The following PFKL variants were observed in gnomAD, a reference collection of about 807,000 sequenced individuals.
PFKL encodes phosphofructokinase, liver type, also known as ATP-dependent 6-phosphofructokinase, liver type.
In PFKL, 74 loss-of-function variants were observed where a neutral mutation model predicts 92.1. That is an observed-to-expected ratio of 0.80 (90% CI 0.67 to 0.97). The LOEUF (loss-of-function observed/expected upper bound fraction) is 0.97, where lower values mean the gene tolerates loss of function less well. Among genes scored for constraint, PFKL ranks in the 50% least tolerant of loss-of-function variants. PFKL has a pLI of 0.00. For synonymous variants in PFKL, 494 were observed against 456.4 expected (o/e 1.08, Z -1.05); for missense variants, 1,028 against 1,116.6 (o/e 0.92, Z 1.13).
chr21:44,326,748 C>T lies in PFKL; in HGVS notation c.2229C>T (p.Ser743=), dbSNP rs561147921. Residue 743 remains serine (S), a synonymous_variant, in exon 22 of 22, where the codon AGC becomes AGT. Coordinates refer to ENST00000349048, the MANE Select transcript of PFKL (RefSeq NM_002626.6). ...HRMPREQWWL[S]LRLMLKMLAQ... ...TGCCACGGGAGCAGTGGTGGCTGAG[C>T]CTGCGGCTCATGCTGAAGATGCTGG... 6.2e-7 allele frequency: 1 copy of T among 1,611,510 alleles called. No individual in the cohort carries two copies. Among genetic ancestry groups the T allele is most frequent in the Admixed American group, 1.7e-5 (1 of 59,946 alleles).
In PFKL at chr21:44,300,076, G is replaced by T. The variant is rs1239706374; in HGVS notation, c.-30G>T. 9.6e-7 allele frequency: 1 copy of T among 1,045,078 alleles called. No homozygotes were observed. Among genetic ancestry groups the T allele is most frequent in the Non-Finnish European group, 1.2e-6 (1 of 863,498 alleles). The allele number at this position is 1,045,078 out of a possible 1,614,324, so 64.7% of individuals were successfully genotyped here. ...GCGACGCGGCGCAGGCGGCGGGAGTGCGAGCTGGGCCCGTGTTTCGGCCGC... is the reference window on the plus strand; with the variant it reads ...GCGACGCGGCGCAGGCGGCGGGAGTTCGAGCTGGGCCCGTGTTTCGGCCGC... On this transcript the variant is annotated 5_prime_UTR_variant, in exon 1 of 22. Coordinates refer to ENST00000349048, the MANE Select transcript of PFKL (RefSeq NM_002626.6).
In PFKL at chr21:44,327,074, G is replaced by A. The variant is rs1420486599; in HGVS notation, c.*212G>A. The A allele has an allele frequency of 1.7e-6, 1 of 592,586 alleles. No individual in the cohort carries two copies. Among genetic ancestry groups the A allele is most frequent in the South Asian group, 2.0e-5 (1 of 50,452 alleles). 36.7% of individuals were successfully genotyped at this position (592,586 alleles called of 1,614,324 possible). Reference sequence around the variant, plus strand: ...AGCCTGCCAGGCCCTCCAGCAGGAGGACAGAGTGCCCTGGGGCATCCACCT... The same window carrying A: ...AGCCTGCCAGGCCCTCCAGCAGGAGAACAGAGTGCCCTGGGGCATCCACCT... On this transcript the variant is annotated 3_prime_UTR_variant, in exon 22 of 22. Coordinates refer to ENST00000349048, the MANE Select transcript of PFKL (RefSeq NM_002626.6).
At chr21:44,326,369 G>A (rs911436484) in intron 21 of PFKL, 105 bp downstream of exon 21, 56 of 856,672 alleles carry the variant, frequency 6.5e-5, no homozygotes, top group Non-Finnish European at 8.7e-5. Context: ...CCCTGACCCC[G>A]CAAGGCCTCC....
chr21:44,318,116 C>T (rs2047257588), intron 9 of PFKL, among the ~76,000 whole-genome samples: 1 of 152,242 alleles, frequency 6.6e-6, no homozygotes, highest in Non-Finnish European at 1.5e-5. Flanking sequence ...TGAGGGCCTC[C>T]ACGGGAGGAT....
intron 7 of PFKL, chr21:44,314,380 G>T: frequency 3.8e-6 from 1 of 261,316 alleles, no homozygotes; most frequent in Non-Finnish European, 7.4e-6. Context: ...CCCCAGCAAG[G>T]TCCAGACGGC....
In PFKL at chr21:44,306,709, G is replaced by A. The variant is rs765853776; in HGVS notation, c.114G>A (p.Thr38=). The A allele has an allele frequency of 8.1e-6, 13 of 1,613,922 alleles. No individual in the cohort carries two copies. Among genetic ancestry groups the A allele is most frequent in the South Asian group, 3.3e-5 (3 of 91,066 alleles). The part of the protein sequence containing the change: ...QGMNAAVRAV[T]RMGIYVGAKV... Reference sequence around the variant, plus strand: ...TGAACGCTGCTGTCCGGGCTGTGACGCGCATGGGCATTTATGTGGGTGCCA... The same window carrying A: ...TGAACGCTGCTGTCCGGGCTGTGACACGCATGGGCATTTATGTGGGTGCCA... The change falls in exon 2 of 22, where the codon ACG becomes ACA. Residue 38 remains threonine, a synonymous_variant. Coordinates refer to ENST00000349048, the MANE Select transcript of PFKL (RefSeq NM_002626.6).
Position 44,327,075 on chromosome 21 carries a change from A to G in PFKL, c.*213A>G. On this transcript the variant is annotated 3_prime_UTR_variant, in exon 22 of 22. Transcript: ENST00000349048. Reference sequence around the variant, plus strand: ...GCCTGCCAGGCCCTCCAGCAGGAGGACAGAGTGCCCTGGGGCATCCACCTT... The same window carrying G: ...GCCTGCCAGGCCCTCCAGCAGGAGGGCAGAGTGCCCTGGGGCATCCACCTT... 4 of 591,812 alleles carry G rather than the reference A, an allele frequency of 6.8e-6. No individual in the cohort carries two copies. The highest frequency in any genetic ancestry group is 1.2e-5 in the Non-Finnish European group (4 of 331,340). 36.7% of individuals were successfully genotyped at this position (591,812 alleles called of 1,614,324 possible).
chr21:44,318,555 A>G lies in PFKL; in HGVS notation c.1022A>G (p.Asn341Ser), dbSNP rs1181325897. The stretch of plus-strand genomic sequence containing the variant: ...GCCTGCGTGGTCACCCTCTCGGGGA[A>G]CCAGTCAGTGCGGCTGCCCCTCATG... ...TPACVVTLSG[N>S]QSVRLPLMEC... Residue 341 changes from asparagine to serine, a missense_variant, in exon 10 of 22, where the codon AAC becomes AGC. By Grantham distance (46) the Asn-to-Ser change is conservative. Transcript: ENST00000349048. 2 of 1,572,370 alleles carry G rather than the reference A, an allele frequency of 1.3e-6. No individual in the cohort carries two copies. The highest frequency in any genetic ancestry group is 1.4e-5 in the African/African-American group (1 of 73,566).
chr21:44,326,432 C>A (rs1443843533), intron 21 of PFKL, among the ~76,000 whole-genome samples, 168 bp downstream of exon 21: 1 of 152,104 alleles, frequency 6.6e-6, no homozygotes, highest in Non-Finnish European at 1.5e-5. Flanking sequence ...GGACCATGCC[C>A]AAGTCTTCTG....
chr21:44,312,453 G>C (rs576826281), intron 4 of PFKL, among the ~76,000 whole-genome samples, 159 bp downstream of exon 4: 1 of 152,338 alleles, frequency 6.6e-6, no homozygotes, highest in East Asian at 1.9e-4. Flanking sequence ...GTGTCTGCCA[G>C]CACGAGCTCA....
chr21:44,322,069 C>T, intron 13 of PFKL, 64 bp from the exon 14 acceptor site: 1 of 1,535,506 alleles, frequency 6.5e-7, no homozygotes, highest in Non-Finnish European at 8.8e-7. Flanking sequence ...GGCACAGGCC[C>T]ACCCCTGGGG....
At position 44,327,158 on chromosome 21, in the gene PFKL, C is replaced by G; in HGVS notation, c.*296C>G. On this transcript the variant is annotated 3_prime_UTR_variant, in exon 22 of 22. Coordinates refer to ENST00000349048, the MANE Select transcript of PFKL (RefSeq NM_002626.6). Reference sequence around the variant, plus strand: ...GGAGGCTGCTGCCCCCTGGCTTTGGCGCCCCATGGGCCCTCAGCGTCTCCC... The same window carrying G: ...GGAGGCTGCTGCCCCCTGGCTTTGGGGCCCCATGGGCCCTCAGCGTCTCCC... 2.2e-6 allele frequency: 1 copy of G among 461,502 alleles called. No homozygotes were observed. The highest frequency in any genetic ancestry group is 2.4e-5 in the South Asian group (1 of 41,170). 28.6% of individuals were successfully genotyped at this position (461,502 alleles called of 1,614,324 possible).
intron 2 of PFKL, among the ~76,000 whole-genome samples, chr21:44,307,770 G>C (rs1394705360): frequency 2.0e-5 from 3 of 152,168 alleles, no homozygotes; most frequent in Admixed American, 6.5e-5. Flanking sequence ...TCAGAGCCCT[G>C]GGGAGCTGGG....
At chr21:44,318,829 G>T (rs1488177511) in intron 10 of PFKL, among the ~76,000 whole-genome samples, 1 of 152,216 alleles carries the variant, frequency 6.6e-6, no homozygotes, top group African/African-American at 2.4e-5. Context: ...AGGGAGCCTG[G>T]TGAGCATGGG....
At chr21:44,302,422 T>C (rs2040804374) in intron 1 of PFKL, among the ~76,000 whole-genome samples, 3 of 151,998 alleles carry the variant, frequency 2.0e-5, no homozygotes. Context: ...AGAACCAGAG[T>C]CCTGTTTCAT....
chr21:44,300,180 C>T lies in PFKL; in HGVS notation c.75C>T (p.Gly25=), dbSNP rs1468347669. The change falls in exon 1 of 22, where the codon GGC becomes GGT. Residue 25 remains glycine (G), a synonymous_variant. Coordinates refer to ENST00000349048, the MANE Select transcript of PFKL (RefSeq NM_002626.6). ...GKAIGVLTSG[G]DAQGMNAAVR... is the part of the protein sequence containing the mutation. ...CCATCGGCGTCCTGACCAGCGGCGG[C>T]GACGCGCAAGGTGGGCGGGGGTCCC... 4.4e-6 allele frequency: 5 copies of T among 1,148,750 alleles called. No homozygotes were observed. Among genetic ancestry groups the T allele is most frequent in the East Asian group, 6.6e-5 (1 of 15,154 alleles). 71.2% of individuals were successfully genotyped at this position (1,148,750 alleles called of 1,614,324 possible). A position where few individuals can be genotyped will look rare whatever the true frequency, so the allele number is the denominator to read the frequency against.
intron 10 of PFKL, 75 bp downstream of exon 10, chr21:44,318,670 C>T: frequency 7.6e-7 from 1 of 1,323,540 alleles, no homozygotes; most frequent in Non-Finnish European, 1.0e-6. Flanking sequence ...CCACTGCTCT[C>T]TGGGGGCCCC....
At chr21:44,306,940 G>T (rs1357542963) in intron 2 of PFKL, among the ~76,000 whole-genome samples, 186 bp downstream of exon 2, 6 of 152,178 alleles carry the variant, frequency 3.9e-5, no homozygotes. Flanking sequence ...GCAGAAAGAA[G>T]ACCTACTGCC....
intron 13 of PFKL, 102 bp downstream of exon 13, chr21:44,321,977 C>T (rs2047367230): frequency 6.8e-7 from 1 of 1,465,412 alleles, no homozygotes; most frequent in Admixed American, 2.2e-5. Flanking sequence ...AGGCTGAGAC[C>T]TGGGTCCGCG....
Sources: gnomAD v4.1 joint callset for allele counts (sites outside exome capture counted in the v4.1 genomes callset) on GRCh38, gnomAD v4.1.1 for gene constraint, MANE v1.5 for transcripts, NCBI Gene and HGNC (gene_info 2026-07-23, HGNC 2026-07-21) for gene names.